Variants in SYCP2L observed in about 807,000 individuals in gnomAD.
The protein encoded by SYCP2L is synaptonemal complex protein 2 like.
SYCP2L carries 98 observed loss-of-function variants against 125.8 expected under a neutral mutation model. The ratio of observed to expected loss-of-function variants is 0.78; its 90% CI spans 0.66 to 0.92. SYCP2L has a LOEUF of 0.92. Among genes scored for constraint, SYCP2L ranks in the 40% least tolerant of loss-of-function variants. SYCP2L has a pLI of 0.00. For missense variants in SYCP2L, 842 were observed against 936.4 expected (o/e 0.90, Z 1.32); for synonymous variants, 317 against 325.4 (o/e 0.97, Z 0.28).
At chr6:10,960,747 T>TA (rs113060118) in intron 26 of SYCP2L, among the ~76,000 whole-genome samples, 8,995 of 151,050 alleles carry the variant, frequency 0.06, 851 homozygotes, top group African/African-American at 0.2. Flanking sequence ...TGTTCTCTAC[T>TA]AAAAAAAAAT....
intron 1 of SYCP2L, among the ~76,000 whole-genome samples, chr6:10,889,748 G>A (rs960070623): frequency 5.3e-5 from 8 of 150,288 alleles, no homozygotes; most frequent in African/African-American, 2.0e-4. Flanking sequence ...AGCCTCCCCC[G>A]TAGCTGGGAT....
chr6:10,920,051 G>A (rs1780766466), intron 14 of SYCP2L, among the ~76,000 whole-genome samples: 1 of 152,176 alleles, frequency 6.6e-6, no homozygotes, highest in Admixed American at 6.5e-5. Flanking sequence ...GGGTCTTCAT[G>A]ACTTGCTTTG....
chr6:10,955,381 C>T (rs1781485814), intron 24 of SYCP2L, among the ~76,000 whole-genome samples, 164 bp downstream of exon 24: 1 of 152,126 alleles, frequency 6.6e-6, no homozygotes, highest in African/African-American at 2.4e-5. Flanking sequence ...TAAGTTGTTG[C>T]ACAAATTATA....
At chr6:10,897,063 C>A (rs1780269805) in intron 4 of SYCP2L, among the ~76,000 whole-genome samples, 1 of 151,828 alleles carries the variant, frequency 6.6e-6, no homozygotes, top group Non-Finnish European at 1.5e-5. Flanking sequence ...CTAAGAGTGA[C>A]CAGTCTCAGT....
At chr6:10,943,527 T>G (rs1781258915) in intron 23 of SYCP2L, among the ~76,000 whole-genome samples, 1 of 142,038 alleles carries the variant, frequency 7.0e-6, no homozygotes, top group Non-Finnish European at 1.5e-5. Flanking sequence ...AGAAATACCA[T>G]ACATTCAGAA....
intron 26 of SYCP2L, 54 bp from the exon 27 acceptor site, chr6:10,961,251 C>G: frequency 7.2e-7 from 1 of 1,394,948 alleles, no homozygotes; most frequent in Non-Finnish European, 1.0e-6. Flanking sequence ...TTAAGAAAGT[C>G]TGCTGTCACA....
chr6:10,923,031 C>T (rs929629742), intron 14 of SYCP2L, among the ~76,000 whole-genome samples: 4 of 152,058 alleles, frequency 2.6e-5, no homozygotes, highest in African/African-American at 9.7e-5. Context: ...TCTTCATAAT[C>T]CGATGCGTAT....
chr6:10,972,410 A>G (rs1781789483), intron 29 of SYCP2L, among the ~76,000 whole-genome samples: 1 of 152,230 alleles, frequency 6.6e-6, no homozygotes. Context: ...AGTAACAGAA[A>G]TTGGACTCTG....
chr6:10,936,636 A>G (rs1781100848), intron 21 of SYCP2L, among the ~76,000 whole-genome samples: 1 of 152,238 alleles, frequency 6.6e-6, no homozygotes, highest in African/African-American at 2.4e-5. Context: ...TTCTCCAATC[A>G]AAAGACACAG....
chr6:10,932,638 T>G (rs1781015665), intron 20 of SYCP2L, among the ~76,000 whole-genome samples: 1 of 152,250 alleles, frequency 6.6e-6, no homozygotes, highest in Non-Finnish European at 1.5e-5. Context: ...TAAGTATTTA[T>G]TCATTGAATA....
At chr6:10,939,297 T>C (rs1305525791) in intron 21 of SYCP2L, among the ~76,000 whole-genome samples, 1 of 152,178 alleles carries the variant, frequency 6.6e-6, no homozygotes, top group African/African-American at 2.4e-5. Flanking sequence ...ATGTCCTTAT[T>C]ATCCAAAGCA....
chr6:10,929,660 T>C (rs1433246388), intron 18 of SYCP2L, among the ~76,000 whole-genome samples: 1 of 152,046 alleles, frequency 6.6e-6, no homozygotes, highest in African/African-American at 2.4e-5. Context: ...CTGGGCTGGG[T>C]GCGGTGGCTC....
chr6:10,928,515 C>T, intron 18 of SYCP2L, 65 bp downstream of exon 18: 2 of 1,470,682 alleles, frequency 1.4e-6, no homozygotes, highest in Non-Finnish European at 1.8e-6. Context: ...CAGGTGGAAG[C>T]CACCTTTCCT....
In SYCP2L at chr6:10,898,063, C is replaced by T; in HGVS notation, c.389C>T (p.Ala130Val). 6.2e-7 allele frequency: 1 copy of T among 1,614,160 alleles called. No homozygotes were observed. Among genetic ancestry groups the T allele is most frequent in the Non-Finnish European group, 8.5e-7 (1 of 1,179,996 alleles). The change falls in exon 5 of 30, where the codon GCC becomes GTC. Residue 130 changes from alanine (A) to valine (V), a missense_variant. Ala to Val is a moderately conservative substitution (Grantham distance 64, BLOSUM62 0). Coordinates refer to ENST00000283141, the MANE Select transcript of SYCP2L (RefSeq NM_001040274.3). ...TTGILTSEGL[A>V]SDTSLICVIE... Reference sequence around the variant, plus strand: ...GGAATTCTGACCTCGGAAGGCCTAGCCTCAGACACGTCGCTGATTTGTGTT... The same window carrying T: ...GGAATTCTGACCTCGGAAGGCCTAGTCTCAGACACGTCGCTGATTTGTGTT...
chr6:10,899,878 G>A (rs1581817100), intron 6 of SYCP2L, among the ~76,000 whole-genome samples: 1 of 152,212 alleles, frequency 6.6e-6, no homozygotes, highest in African/African-American at 2.4e-5. Flanking sequence ...GACAGTTGCT[G>A]TCTTTAAAAC....
rs183686858 is a variant in SYCP2L, at chr6:10,923,956, T to C, written c.1073-540T>C. ...GCCTCGGCCTCCCAAAGTGCTGGGA[T>C]TACAGGCGTGAGCCACCACGCCTGG... is the stretch of plus-strand genomic sequence containing the variant. On this transcript the variant is annotated intron_variant, in intron 14 of 29. Transcript: ENST00000283141. Among the ~76,000 whole-genome samples the C allele has an allele frequency of 1.4e-4, 21 of 152,290 alleles. No homozygotes were observed. In the East Asian group the frequency reaches 4.1e-3, roughly 29 times the overall value.
At chr6:10,890,616 G>A (rs1581812554) in intron 1 of SYCP2L, among the ~76,000 whole-genome samples, 1 of 152,120 alleles carries the variant, frequency 6.6e-6, no homozygotes, top group Admixed American at 6.6e-5. Context: ...TGCATAGTTT[G>A]CAAATATATT....
intron 29 of SYCP2L, among the ~76,000 whole-genome samples, chr6:10,967,188 T>C (rs1781696408): frequency 6.6e-6 from 1 of 152,078 alleles, no homozygotes; most frequent in East Asian, 1.9e-4. Context: ...TTATAAAAAA[T>C]ACATCAGGTC....
In SYCP2L at chr6:10,887,060, A is replaced by G; in HGVS notation, c.-67A>G. The G allele has an allele frequency of 6.2e-7, 1 of 1,608,054 alleles. No homozygotes were observed. The highest frequency in any genetic ancestry group is 1.1e-5 in the South Asian group (1 of 90,788). On this transcript the variant is annotated 5_prime_UTR_variant, in exon 1 of 30. Coordinates refer to ENST00000283141, the MANE Select transcript of SYCP2L (RefSeq NM_001040274.3). ...GGGCGGGGCTCTTGGGCGGGGAAGC[A>G]GGAGAGGGCCGACCGAGCGCAACAA...
Sources: allele counts gnomAD v4.1 joint callset (sites outside exome capture counted in the v4.1 genomes callset), GRCh38; gene constraint gnomAD v4.1.1; transcripts MANE v1.5; gene names NCBI Gene and HGNC (gene_info 2026-07-23, HGNC 2026-07-21).